Variants in TUBGCP3 observed in about 807,000 individuals in gnomAD.
TUBGCP3 encodes the protein gamma-tubulin complex component 3.
In TUBGCP3, 50 loss-of-function variants were observed where a neutral mutation model predicts 123.1. That is an observed-to-expected ratio of 0.41 (90% CI 0.32 to 0.51). The LOEUF (loss-of-function observed/expected upper bound fraction) is 0.51. TUBGCP3 is among the 20% of genes least tolerant of loss of function. The pLI is 0.36. For synonymous variants in TUBGCP3, 405 were observed against 413.9 expected (o/e 0.98, Z 0.26); for missense variants, 882 against 1,127.0 (o/e 0.78, Z 3.11).
chr13:112,499,821 A>C (rs990303462), intron 19 of TUBGCP3, among the ~76,000 whole-genome samples: 15 of 152,252 alleles, frequency 9.9e-5, no homozygotes, highest in African/African-American at 3.1e-4. Context: ...AGTAATCTTC[A>C]GTAAACAACT....
intron 1 of TUBGCP3, among the ~76,000 whole-genome samples, chr13:112,584,610 A>C (rs1348777518): frequency 6.6e-6 from 1 of 152,186 alleles, no homozygotes; most frequent in Admixed American, 6.5e-5. Flanking sequence ...CTTGTAGGAC[A>C]CTCATAGAGG....
intron 20 of TUBGCP3, among the ~76,000 whole-genome samples, chr13:112,491,025 G>A (rs774537293): frequency 1.3e-5 from 2 of 152,086 alleles, no homozygotes; most frequent in Non-Finnish European, 2.9e-5. Context: ...TGTTTTGTAT[G>A]TTTGTGCCTT....
chr13:112,559,593 CA>C (rs373649064), intron 3 of TUBGCP3, among the ~76,000 whole-genome samples, 194 bp from the exon 4 acceptor site: 71 of 152,172 alleles, frequency 4.7e-4, no homozygotes, highest in African/African-American at 1.4e-3. Context: ...CTCATGCAAC[CA>C]ACAACCTTGG....
intron 19 of TUBGCP3, among the ~76,000 whole-genome samples, chr13:112,502,542 C>CTTTTTTTTT (rs10710530): frequency 1.7e-5 from 2 of 114,364 alleles, no homozygotes; most frequent in Non-Finnish European, 3.5e-5. Context: ...TACATTTCTT[C>CTTTTTTTTT]TTTTTTTTTT....
intron 19 of TUBGCP3, among the ~76,000 whole-genome samples, chr13:112,501,406 C>G (rs1007097004): frequency 3.3e-5 from 5 of 152,204 alleles, no homozygotes; most frequent in African/African-American, 1.2e-4. Context: ...CCAGGCAGGG[C>G]TCTGCTGGCA....
intron 1 of TUBGCP3, among the ~76,000 whole-genome samples, chr13:112,581,038 A>G (rs1195144048): frequency 7.2e-6 from 1 of 138,762 alleles, no homozygotes; most frequent in Non-Finnish European, 1.6e-5. Context: ...TCACACACCC[A>G]TCACACTCAC....
At chr13:112,556,537 T>C (rs926103668) in intron 5 of TUBGCP3, among the ~76,000 whole-genome samples, 1 of 152,180 alleles carries the variant, frequency 6.6e-6, no homozygotes, top group Non-Finnish European at 1.5e-5. Context: ...CTTTTCTTTA[T>C]AAACATATAA....
chr13:112,535,936 C>T (rs1878011473), intron 11 of TUBGCP3, among the ~76,000 whole-genome samples: 1 of 152,202 alleles, frequency 6.6e-6, no homozygotes, highest in African/African-American at 2.4e-5. Flanking sequence ...TTGAGTTAAT[C>T]TTTACATATG....
At chr13:112,520,992 C>T (rs1876572157) in intron 14 of TUBGCP3, among the ~76,000 whole-genome samples, 3 of 152,160 alleles carry the variant, frequency 2.0e-5, no homozygotes, top group African/African-American at 7.2e-5. Context: ...TTATAGCACG[C>T]ATGTGATACT....
At chr13:112,601,428 T>G in the TUBGCP3 span, among the ~76,000 whole-genome samples, 1 of 152,224 alleles carries the variant, frequency 6.6e-6, no homozygotes, top group African/African-American at 2.4e-5. Flanking sequence ...GGGCTTGAGA[T>G]GAGTGTGGAT....
Position 112,573,839 on chromosome 13 carries a change from C to T in TUBGCP3, c.77-4580G>A, listed in dbSNP as rs184502216. ...CACTGAGTGCTGGGCCCAGTTCAAC[C>T]CGGGATGCAGAGGAGCAGCCCAACA... On this transcript the variant is annotated intron_variant, in intron 1 of 21. Transcript: ENST00000261965. Among the ~76,000 whole-genome samples the T allele has an allele frequency of 2.0e-4, 31 of 152,348 alleles. No homozygotes were observed. The East Asian group carries it at 6.0e-3, about 29-fold the overall frequency.
At chr13:112,589,097 C>A (rs1401833634), upstream of TUBGCP3, among the ~76,000 whole-genome samples, 1 of 152,232 alleles carries the variant, frequency 6.6e-6, no homozygotes, top group Non-Finnish European at 1.5e-5. Context: ...TCTGCAAGAG[C>A]AACCAAACCA....
the TUBGCP3 span, among the ~76,000 whole-genome samples, chr13:112,600,141 A>G: frequency 1.3e-5 from 2 of 152,180 alleles, no homozygotes; most frequent in Non-Finnish European, 2.9e-5. Context: ...GCTGCGGTAG[A>G]GAATTCCCAA....
intron 13 of TUBGCP3, among the ~76,000 whole-genome samples, chr13:112,522,738 T>A (rs565676462): frequency 6.6e-6 from 1 of 152,308 alleles, no homozygotes; most frequent in Admixed American, 6.5e-5. Flanking sequence ...CACCTACATG[T>A]GTGTCTTCAT....
rs527773515 is a variant in TUBGCP3 at position 112,582,324 on chromosome 13, A to G, written c.76+5581T>C. Among the ~76,000 whole-genome samples, 4 of 152,366 alleles carry G rather than the reference A, an allele frequency of 2.6e-5. No individual in the cohort carries two copies. In the South Asian group the frequency reaches 8.3e-4, roughly 32 times the overall value. ...GTCAGGCCCTAACAATATGATGTACAGTGGTTAATGAGACAGACGTAGAAC... is the reference window on the plus strand; with the variant it reads ...GTCAGGCCCTAACAATATGATGTACGGTGGTTAATGAGACAGACGTAGAAC... On this transcript the variant is annotated intron_variant, in intron 1 of 21. Transcript: ENST00000261965.
At chr13:112,538,155 C>T (rs1878222916) in intron 11 of TUBGCP3, among the ~76,000 whole-genome samples, 1 of 152,142 alleles carries the variant, frequency 6.6e-6, no homozygotes, top group South Asian at 2.1e-4. Context: ...TTGAGTATCC[C>T]TAATCTCAAA....
intron 3 of TUBGCP3, among the ~76,000 whole-genome samples, chr13:112,562,908 C>T (rs889116154): frequency 2.0e-5 from 3 of 152,332 alleles, no homozygotes; most frequent in African/African-American, 4.8e-5. Flanking sequence ...TCAGCTTTCC[C>T]GGCACTGCCA....
At chr13:112,575,448 G>C (rs1881735244) in intron 1 of TUBGCP3, among the ~76,000 whole-genome samples, 1 of 152,140 alleles carries the variant, frequency 6.6e-6, no homozygotes, top group African/African-American at 2.4e-5. Context: ...AGAGCTGTAA[G>C]GCACATGAAG....
In TUBGCP3 at chr13:112,549,491, A is replaced by AAATT. The variant is rs199521096; in HGVS notation, c.967-1319_967-1316dup. ...TAAAACTTAAGGTATAATAATAAAA[A>AAATT]AATTAATTAATTAATTAATTAAAAA... On this transcript the variant is annotated intron_variant, in intron 8 of 21. Transcript: ENST00000261965. Among the ~76,000 whole-genome samples the AAATT allele has an allele frequency of 7.9e-5, 12 of 151,820 alleles. No homozygotes were observed. The East Asian group carries it at 1.5e-3, about 20-fold the overall frequency.
Sources: gnomAD v4.1 joint callset for allele counts (sites outside exome capture counted in the v4.1 genomes callset) on GRCh38, gnomAD v4.1.1 for gene constraint, MANE v1.5 for transcripts, NCBI Gene and HGNC (gene_info 2026-07-23, HGNC 2026-07-21) for gene names.